The following CLN8 variants were observed in gnomAD, a reference collection of about 807,000 sequenced individuals.
CLN8 encodes protein CLN8.
Under a neutral mutation model 15.7 loss-of-function variants are expected in CLN8, and 14 were observed. That is an observed-to-expected ratio of 0.89 (90% CI 0.59 to 1.39). The LOEUF (loss-of-function observed/expected upper bound fraction) is 1.39. CLN8 is among the 40% of genes most tolerant of loss of function. CLN8 has a pLI of 0.00. For synonymous variants in CLN8, 188 were observed against 151.0 expected (o/e 1.25, Z -1.80); for missense variants, 415 against 364.0 (o/e 1.14, Z -1.14).
Position 1,756,680 on chromosome 8 carries a change from C to CTT in CLN8, c.-124+616_-124+617dup, listed in dbSNP as rs751314711. On this transcript the variant is annotated intron_variant, in intron 1 of 1. Coordinates refer to the CLN8 transcript ENST00000524258. The stretch of plus-strand genomic sequence containing the variant: ...CTCTCTAGGTATGAATTAAGCATTC[C>CTT]TTTTTTTTTTTTTTTTTTTGAGACA... 9.3e-3 allele frequency among the ~76,000 whole-genome samples: 1,170 copies of CTT among 125,712 alleles called. 35 individuals carry two copies. Among genetic ancestry groups the CTT allele is most frequent in the African/African-American group, 0.033 (1,084 of 33,020 alleles). The allele number at this position is 125,712 out of a possible 152,430, so 82.5% of individuals were successfully genotyped here. A position where few individuals can be genotyped will look rare whatever the true frequency, so the allele number is the denominator to read the frequency against.
At chr8:1,780,141 A>G (rs1801665621) in intron 2 of CLN8, 109 bp from the exon 3 acceptor site, 1 of 1,588,686 alleles carries the variant, frequency 6.3e-7, no homozygotes. Context: ...TTGCTTTGAA[A>G]TGAATTTGTT....
At chr8:1,774,524 C>T (rs1193415150) in intron 2 of CLN8, among the ~76,000 whole-genome samples, 1 of 152,132 alleles carries the variant, frequency 6.6e-6, no homozygotes, top group Non-Finnish European at 1.5e-5. Flanking sequence ...ACATTTCTCC[C>T]CCATCAAGGT....
In CLN8 at chr8:1,771,538, A is replaced by T. The variant is rs1406606894; in HGVS notation, c.484A>T (p.Thr162Ser). The T allele has an allele frequency of 1.2e-6, 2 of 1,614,084 alleles. No individual in the cohort carries two copies. Among genetic ancestry groups the T allele is most frequent in the African/African-American group, 1.3e-5 (1 of 74,992 alleles). Residue 162 changes from threonine to serine, a missense_variant, in exon 2 of 3, where the codon ACC (threonine) becomes TCC (serine). Thr to Ser is a moderately conservative substitution (Grantham distance 58). Coordinates refer to ENST00000331222, the MANE Select transcript of CLN8 (RefSeq NM_018941.4). The stretch of plus-strand genomic sequence containing the variant: ...CCAAGCTGGCCACTATCTAGCTATG[A>T]CCACGTTGCTCCTGGAGATGAGCAC... ...NLQAGHYLAM[T>S]TLLLEMSTPF...
chr8:1,773,989 C>T (rs1457743277), intron 2 of CLN8: 1 of 152,172 alleles, frequency 6.6e-6, no homozygotes, highest in Admixed American at 6.5e-5. Context: ...TAATAGTTAT[C>T]TTGTATTTTA....
chr8:1,765,854 A>G (rs975013048), intron 1 of CLN8, among the ~76,000 whole-genome samples: 2 of 152,252 alleles, frequency 1.3e-5, no homozygotes, highest in African/African-American at 4.8e-5. Context: ...TTTCTCCTAG[A>G]AAGTCAAGTG....
chr8:1,758,216 C>T (rs1326207552), intron 1 of CLN8: 1 of 152,198 alleles, frequency 6.6e-6, no homozygotes, highest in African/African-American at 2.4e-5. Context: ...AGACAGTTTT[C>T]TATAATGAGT....
chr8:1,754,961 G>C (rs1351720016), upstream of CLN8, among the ~76,000 whole-genome samples: 2 of 152,176 alleles, frequency 1.3e-5, no homozygotes, highest in Non-Finnish European at 2.9e-5. Context: ...CAAAGCTCCA[G>C]AACCCCTTCC....
At chr8:1,769,094 A>G (rs1242629154) in intron 1 of CLN8, among the ~76,000 whole-genome samples, 1 of 152,136 alleles carries the variant, frequency 6.6e-6, no homozygotes, top group Non-Finnish European at 1.5e-5. Context: ...CCCACATCAG[A>G]TTTGTGTTCA....
chr8:1,763,367 A>T (rs189525069), upstream of CLN8: 1 of 63,530 alleles, frequency 1.6e-5, no homozygotes. Flanking sequence ...CAGCGCGTCC[A>T]CCCCGCCGCC....
upstream of CLN8, among the ~76,000 whole-genome samples, chr8:1,761,362 T>C (rs1800791935): frequency 6.6e-6 from 1 of 152,138 alleles, no homozygotes; most frequent in African/African-American, 2.4e-5. Flanking sequence ...TCTTGCTCTG[T>C]TGCCCAGGCT....
upstream of CLN8, chr8:1,763,391 CGCG>C (rs1800863948): frequency 5.0e-5 from 4 of 80,214 alleles, no homozygotes; most frequent in Admixed American, 3.2e-4. Context: ...CAGCGCCCGC[CGCG>C]CCGCGCCCCG....
chr8:1,758,894 G>A (rs893280340), upstream of CLN8: 6 of 152,158 alleles, frequency 3.9e-5, no homozygotes, highest in African/African-American at 1.2e-4. Context: ...ATCTCTCCTA[G>A]ATCAGGGAAA....
At position 1,780,753 on chromosome 8, in the gene CLN8, A is replaced by G; in HGVS notation, c.*186A>G. The G allele has an allele frequency of 1.5e-6, 1 of 651,776 alleles. No individual in the cohort carries two copies. Among genetic ancestry groups the G allele is most frequent in the Non-Finnish European group, 2.6e-6 (1 of 385,884 alleles). 40.4% of individuals were successfully genotyped at this position (651,776 alleles called of 1,614,324 possible). ...CTACAAAGTATTTTTAAGAAATTAT[A>G]ATTTTATGACTGTCTGGCAGGCTCT... On this transcript the variant is annotated 3_prime_UTR_variant, in exon 3 of 3. Transcript: ENST00000331222.
chr8:1,772,028 T>G (rs529318332), intron 2 of CLN8, among the ~76,000 whole-genome samples: 69 of 151,706 alleles, frequency 4.5e-4, no homozygotes, highest in South Asian at 3.3e-3. Flanking sequence ...CTCCGCCTCC[T>G]GGGTTCAAGT....
At chr8:1,772,199 G>C (rs1801338325) in intron 2 of CLN8, among the ~76,000 whole-genome samples, 1 of 152,020 alleles carries the variant, frequency 6.6e-6, no homozygotes, top group Non-Finnish European at 1.5e-5. Flanking sequence ...GCCTCCCAAA[G>C]TGCTGGAATT....
At chr8:1,764,987 C>T (rs1358882671) in intron 1 of CLN8, 3 of 152,194 alleles carry the variant, frequency 2.0e-5, no homozygotes, top group Non-Finnish European at 4.4e-5. Flanking sequence ...AGCAATGGTG[C>T]AGGAAGTGTG....
chr8:1,771,483 T>C lies in CLN8; in HGVS notation c.429T>C (p.Phe143=), dbSNP rs1209304598. Residue 143 remains phenylalanine (F), a synonymous_variant, in exon 2 of 3, where the codon TTT becomes TTC. Coordinates refer to ENST00000331222, the MANE Select transcript of CLN8 (RefSeq NM_018941.4). ...LFLVIHHLFA[F]LGFLGCLVNL... The stretch of plus-strand genomic sequence containing the variant: ...TGGTTATCCACCATCTCTTTGCCTT[T>C]CTTGGGTTTCTTGGCTGCTTGGTCA... 1.2e-6 allele frequency: 2 copies of C among 1,614,208 alleles called. No individual in the cohort carries two copies. Among genetic ancestry groups the C allele is most frequent in the East Asian group, 4.5e-5 (2 of 44,878 alleles).
chr8:1,765,145 T>G (rs1021245876), intron 1 of CLN8: 1 of 152,172 alleles, frequency 6.6e-6, no homozygotes, highest in African/African-American at 2.4e-5. Context: ...GCACAGGTTC[T>G]CTAGGTGGCC....
At chr8:1,775,201 CA>C (rs1478653144) in intron 2 of CLN8, among the ~76,000 whole-genome samples, 2 of 152,092 alleles carry the variant, frequency 1.3e-5, no homozygotes, top group East Asian at 3.9e-4. Context: ...ATAGCATTTA[CA>C]TTGTATTAGG....
Sources: gnomAD v4.1 joint callset for allele counts (sites outside exome capture counted in the v4.1 genomes callset) on GRCh38, gnomAD v4.1.1 for gene constraint, MANE v1.5 for transcripts, NCBI Gene and HGNC (gene_info 2026-07-23, HGNC 2026-07-21) for gene names.